Variants in TMEM196 observed in about 807,000 individuals in gnomAD.
TMEM196 encodes transmembrane protein 196.
TMEM196 carries 17 observed loss-of-function variants against 20.0 expected under a neutral mutation model. The ratio of observed to expected loss-of-function variants is 0.85; its 90% CI spans 0.58 to 1.27. TMEM196 has a LOEUF of 1.27. Ranked by LOEUF, TMEM196 falls within the 50% of genes most tolerant of loss-of-function variation. TMEM196 has a pLI of 0.00. For synonymous variants in TMEM196, 113 were observed against 88.9 expected (o/e 1.27, Z -1.52); for missense variants, 267 against 223.0 (o/e 1.20, Z -1.26).
chr7:19,748,807 C>T (rs897341732), intron 1 of TMEM196, among the ~76,000 whole-genome samples: 3 of 152,052 alleles, frequency 2.0e-5, no homozygotes, highest in Non-Finnish European at 2.9e-5. Context: ...GAGGTAGAGA[C>T]AATATTTGCC....
intron 1 of TMEM196, among the ~76,000 whole-genome samples, chr7:19,770,093 T>C (rs1036664423): frequency 9.9e-5 from 15 of 152,222 alleles, no homozygotes; most frequent in Admixed American, 5.2e-4. Context: ...CTGCAGTACA[T>C]TGATTCTAAG....
Position 19,747,837 on chromosome 7 carries a change from G to A in TMEM196, c.148-18399C>T, listed in dbSNP as rs543699105. ...AGATCAGATCTTGGGTGATTGTGAT[G>A]CGATGGGATAGGATGGAATACATTT... On this transcript the variant is annotated intron_variant, in intron 1 of 4. Transcript: ENST00000405844. Among the ~76,000 whole-genome samples the A allele has an allele frequency of 2.4e-4, 36 of 152,282 alleles. No homozygotes were observed. In the South Asian group the frequency reaches 7.5e-3, roughly 32 times the overall value.
intron 1 of TMEM196, among the ~76,000 whole-genome samples, chr7:19,736,621 C>T (rs1784418029): frequency 6.6e-6 from 1 of 151,622 alleles, no homozygotes; most frequent in African/African-American, 2.4e-5. Context: ...CTGGGAATCA[C>T]ATGCAGTGTT....
intron 1 of TMEM196, among the ~76,000 whole-genome samples, chr7:19,758,970 C>T (rs1785322509): frequency 6.6e-6 from 1 of 152,162 alleles, no homozygotes; most frequent in South Asian, 2.1e-4. Context: ...AATTACCCTT[C>T]ACCTACTCAA....
intron 1 of TMEM196, among the ~76,000 whole-genome samples, chr7:19,772,056 C>T (rs1473136904): frequency 6.6e-6 from 1 of 152,124 alleles, no homozygotes; most frequent in Non-Finnish European, 1.5e-5. Context: ...ATTGGTGTTG[C>T]CTCTGGTGTA....
chr7:19,745,096 A>T (rs1262355424), intron 1 of TMEM196, among the ~76,000 whole-genome samples: 1 of 152,114 alleles, frequency 6.6e-6, no homozygotes, highest in Non-Finnish European at 1.5e-5. Context: ...TTTGCATATC[A>T]TCTTCCTACA....
chr7:19,732,480 G>A (rs909771824), intron 1 of TMEM196, among the ~76,000 whole-genome samples: 11 of 151,226 alleles, frequency 7.3e-5, no homozygotes, highest in Non-Finnish European at 1.3e-4. Context: ...GGGGGAGGCA[G>A]CAGAATCACT....
intron 4 of TMEM196, among the ~76,000 whole-genome samples, chr7:19,722,910 C>G (rs1310412594): frequency 6.6e-6 from 1 of 151,864 alleles, no homozygotes; most frequent in African/African-American, 2.4e-5. Context: ...GGATATGAAG[C>G]CCATTCATAT....
At position 19,773,478 on chromosome 7, in the gene TMEM196, T is replaced by C. The variant is rs1785975493; in HGVS notation, c.-782A>G. 1 of 169,238 alleles carries C rather than the reference T, an allele frequency of 5.9e-6. No individual in the cohort carries two copies. Among genetic ancestry groups the C allele is most frequent in the Non-Finnish European group, 1.5e-5 (1 of 68,378 alleles). 10.5% of individuals were successfully genotyped at this position (169,238 alleles called of 1,614,324 possible). A position where few individuals can be genotyped will look rare whatever the true frequency, so the allele number is the denominator to read the frequency against. ...TGACGGAGGAGGAAAAAGCCTAATGTATTTGTAGATCCAGGACCAGTACTC... is the reference window on the plus strand; with the variant it reads ...TGACGGAGGAGGAAAAAGCCTAATGCATTTGTAGATCCAGGACCAGTACTC... On this transcript the variant is annotated 5_prime_UTR_variant, in exon 1 of 5. In the 5' UTR this introduces an upstream ATG that the reference lacks. Transcript: ENST00000405844.
intron 1 of TMEM196, among the ~76,000 whole-genome samples, chr7:19,770,961 G>A (rs1025830614): frequency 2.6e-5 from 4 of 151,892 alleles, no homozygotes; most frequent in Non-Finnish European, 1.5e-5. Flanking sequence ...TGGGGGCGGG[G>A]ATTGAGCTGT....
chr7:19,766,957 A>G (rs1356410595), intron 1 of TMEM196, among the ~76,000 whole-genome samples: 1 of 152,142 alleles, frequency 6.6e-6, no homozygotes, highest in East Asian at 1.9e-4. Flanking sequence ...TGTCCAAATT[A>G]AAAGTTTTGA....
intron 1 of TMEM196, among the ~76,000 whole-genome samples, chr7:19,746,803 A>G (rs1291524489): frequency 6.6e-6 from 1 of 152,248 alleles, no homozygotes; most frequent in Non-Finnish European, 1.5e-5. Context: ...TATATTTTAT[A>G]GCACTGCCTG....
chr7:19,762,901 G>A (rs1335669075), intron 1 of TMEM196, among the ~76,000 whole-genome samples: 4 of 152,266 alleles, frequency 2.6e-5, no homozygotes, highest in East Asian at 1.9e-4. Flanking sequence ...AGCGGTTTCC[G>A]AAAGCTAGCC....
intron 1 of TMEM196, among the ~76,000 whole-genome samples, chr7:19,765,369 A>G (rs889887770): frequency 6.6e-6 from 1 of 152,140 alleles, no homozygotes; most frequent in Non-Finnish European, 1.5e-5. Flanking sequence ...AATCATGGAC[A>G]CCAGTTAAGG....
intron 1 of TMEM196, among the ~76,000 whole-genome samples, chr7:19,763,091 T>C (rs1785496314): frequency 6.6e-6 from 1 of 152,200 alleles, no homozygotes; most frequent in South Asian, 2.1e-4. Context: ...CACAGACTCC[T>C]ACACATATTT....
intron 1 of TMEM196, among the ~76,000 whole-genome samples, chr7:19,752,760 G>A (rs1299680699): frequency 6.6e-6 from 1 of 151,832 alleles, no homozygotes; most frequent in Non-Finnish European, 1.5e-5. Flanking sequence ...GACTACAGGT[G>A]CGCACAACTA....
chr7:19,727,478 A>G (rs941355616), intron 2 of TMEM196, among the ~76,000 whole-genome samples: 18 of 152,190 alleles, frequency 1.2e-4, no homozygotes, highest in African/African-American at 4.3e-4. Context: ...AAATCTTTTT[A>G]TACTTGATTA....
intron 2 of TMEM196, among the ~76,000 whole-genome samples, chr7:19,727,920 A>T (rs1156814400): frequency 6.6e-6 from 1 of 151,830 alleles, no homozygotes; most frequent in Admixed American, 6.6e-5. Context: ...TTTGGAGTGA[A>T]ATTTTTTTTT....
chr7:19,721,464 A>G lies in TMEM196; in HGVS notation c.*664T>C, dbSNP rs1273929862. On this transcript the variant is annotated 3_prime_UTR_variant, in exon 5 of 5. Transcript: ENST00000405844. ...AAATGATATTCACATATAACTTTTC[A>G]CTCTTTGTGCAAAAATGCAAAAATA... is the stretch of plus-strand genomic sequence containing the variant. 1 of 151,976 alleles carries G rather than the reference A, an allele frequency of 6.6e-6. No individual in the cohort carries two copies. Among genetic ancestry groups the G allele is most frequent in the Admixed American group, 6.6e-5 (1 of 15,250 alleles). The allele number at this position is 151,976 out of a possible 1,614,324, so 9.4% of individuals were successfully genotyped here. A position where few individuals can be genotyped will look rare whatever the true frequency, so the allele number is the denominator to read the frequency against.
Sources: gnomAD v4.1 joint callset for allele counts (sites outside exome capture counted in the v4.1 genomes callset) on GRCh38, gnomAD v4.1.1 for gene constraint, MANE v1.5 for transcripts, NCBI Gene and HGNC (gene_info 2026-07-23, HGNC 2026-07-21) for gene names.